IDE: variants seen among roughly 807,000 people sequenced by gnomAD.
IDE encodes insulin degrading enzyme, also known as insulin-degrading enzyme.
Under a neutral mutation model 133.2 loss-of-function variants are expected in IDE, and 58 were observed. The ratio of observed to expected loss-of-function variants is 0.44; its 90% CI spans 0.35 to 0.54. IDE has a LOEUF of 0.54. Among genes scored for constraint, IDE ranks in the 20% least tolerant of loss-of-function variants. The pLI, the probability that IDE is intolerant of heterozygous loss-of-function variation, is 0.00. For synonymous variants in IDE, 396 were observed against 421.3 expected, an observed-to-expected ratio of 0.94 and a Z score of 0.73; for missense variants, 981 against 1,234.0, an observed-to-expected ratio of 0.79 and a Z score of 3.07.
Position 92,564,671 on chromosome 10 carries a change from C to CAAAAAAAAAAA in IDE, c.98+9240_98+9250dup, listed in dbSNP as rs532861372. 3.2e-4 allele frequency among the ~76,000 whole-genome samples: 10 copies of CAAAAAAAAAAA among 31,586 alleles called. 1 individual carries two copies. Among genetic ancestry groups the CAAAAAAAAAAA allele is most frequent in the Non-Finnish European group, 4.3e-4 (7 of 16,300 alleles). The allele number at this position is 31,586 out of a possible 152,430, so 20.7% of individuals were successfully genotyped here. A position where few individuals can be genotyped will look rare whatever the true frequency, so the allele number is the denominator to read the frequency against. On this transcript the variant is annotated intron_variant, in intron 1 of 24. Coordinates refer to ENST00000265986, the MANE Select transcript of IDE (RefSeq NM_004969.4). ...CCTGGGCGATAAAGCGAGACTGTCT[C>CAAAAAAAAAAA]AAAAAAAAAAAAAAAAAAAAAAAAA... is the stretch of plus-strand genomic sequence containing the variant.
intron 1 of IDE, among the ~76,000 whole-genome samples, chr10:92,565,993 T>G (rs1280886499): frequency 7.1e-6 from 1 of 141,422 alleles, no homozygotes; most frequent in East Asian, 2.0e-4. Context: ...TCAATATCCT[T>G]ATCTGAAAGA....
chr10:92,456,342 C>T lies in IDE; in HGVS notation c.2896+17G>A. 1 of 1,596,788 alleles carries T rather than the reference C, an allele frequency of 6.3e-7. No individual in the cohort carries two copies. The highest frequency in any genetic ancestry group is 8.6e-7 in the Non-Finnish European group (1 of 1,164,196). ...ATGGCTCAACATGAGCCTAAAAAGG[C>T]AACATTTGATACTTACAAGAATCCA... On this transcript the variant is annotated intron_variant, in intron 23 of 24. Coordinates refer to ENST00000265986, the MANE Select transcript of IDE (RefSeq NM_004969.4).
At chr10:92,504,661 T>C (rs1848198727) in intron 11 of IDE, 133 bp downstream of exon 11, 3 of 597,360 alleles carry the variant, frequency 5.0e-6, no homozygotes, top group Non-Finnish European at 8.9e-6. Flanking sequence ...TGTTGCTTCA[T>C]TATACTATTC....
intron 2 of IDE, among the ~76,000 whole-genome samples, chr10:92,535,868 T>C (rs1040655989): frequency 6.6e-6 from 1 of 151,972 alleles, no homozygotes; most frequent in African/African-American, 2.4e-5. Context: ...AAACCTCGTC[T>C]CTAATAAAAA....
intron 3 of IDE, among the ~76,000 whole-genome samples, chr10:92,533,897 C>T (rs1315481640): frequency 6.6e-6 from 1 of 152,082 alleles, no homozygotes; most frequent in Non-Finnish European, 1.5e-5. Flanking sequence ...GTGGCACATG[C>T]CTGTAATCCC....
chr10:92,467,977 T>G (rs1365473676), intron 19 of IDE, among the ~76,000 whole-genome samples: 1 of 152,242 alleles, frequency 6.6e-6, no homozygotes, highest in Non-Finnish European at 1.5e-5. Flanking sequence ...AAGATGGAGA[T>G]GCACTTCAAT....
chr10:92,458,482 C>T (rs892261033), intron 22 of IDE, among the ~76,000 whole-genome samples: 1 of 143,880 alleles, frequency 7.0e-6, no homozygotes, highest in African/African-American at 2.6e-5. Context: ...GTTATAAATA[C>T]TCTCTCTGTT....
Position 92,539,493 on chromosome 10 carries a change from C to T in IDE, c.99-1943G>A, listed in dbSNP as rs184070951. Among the ~76,000 whole-genome samples the T allele has an allele frequency of 5.9e-5, 9 of 152,248 alleles. No individual in the cohort carries two copies. The East Asian group carries it at 1.2e-3, about 20-fold the overall frequency. ...ATTAACAATTATTTTCAGCCAGGCA[C>T]GGTGGCTCGCGCCTGTAATCTCAGC... On this transcript the variant is annotated intron_variant, in intron 1 of 24. Transcript: ENST00000265986.
At position 92,518,789 on chromosome 10, in the gene IDE, C is replaced by T. The variant is rs114385493; in HGVS notation, c.662-3747G>A. 5.2e-3 allele frequency among the ~76,000 whole-genome samples: 794 copies of T among 152,220 alleles called. 9 individuals carry two copies. The highest frequency in any genetic ancestry group is 0.019 in the African/African-American group (773 of 41,528). On this transcript the variant is annotated intron_variant, in intron 4 of 24. Coordinates refer to ENST00000265986, the MANE Select transcript of IDE (RefSeq NM_004969.4). ...ATGTTGAATGAAAAAATACAAGCGGCAGAGATTACACACAATAAAATACTA... is the reference window on the plus strand; with the variant it reads ...ATGTTGAATGAAAAAATACAAGCGGTAGAGATTACACACAATAAAATACTA...
chr10:92,506,867 C>G (rs1848318695), intron 9 of IDE, among the ~76,000 whole-genome samples: 1 of 152,022 alleles, frequency 6.6e-6, no homozygotes, highest in African/African-American at 2.4e-5. Flanking sequence ...CTTGTGAGAT[C>G]CAACAATTCC....
intron 1 of IDE, among the ~76,000 whole-genome samples, chr10:92,562,903 G>T (rs1218206618): frequency 6.6e-6 from 1 of 152,230 alleles, no homozygotes; most frequent in Non-Finnish European, 1.5e-5. Flanking sequence ...ACTTTGGGAG[G>T]CCAAGGCGGG....
At chr10:92,570,287 TAA>T (rs896060732) in intron 1 of IDE, among the ~76,000 whole-genome samples, 4 of 152,178 alleles carry the variant, frequency 2.6e-5, no homozygotes, top group African/African-American at 9.7e-5. Context: ...AGGTGTCTAG[TAA>T]AAGGTCAGAG....
At chr10:92,490,959 C>T (rs982187120) in intron 11 of IDE, among the ~76,000 whole-genome samples, 5 of 152,204 alleles carry the variant, frequency 3.3e-5, no homozygotes, top group Admixed American at 1.3e-4. Flanking sequence ...AAAGAAGTTG[C>T]GGATGTAGTG....
At chr10:92,573,226 T>C (rs1190419605) in intron 1 of IDE, 1 of 969,764 alleles carries the variant, frequency 1.0e-6, no homozygotes, top group Admixed American at 6.2e-5. Context: ...ACCTGTGTCC[T>C]AATCCTGGTT....
intron 4 of IDE, among the ~76,000 whole-genome samples, chr10:92,517,337 C>T (rs975862085): frequency 6.6e-6 from 1 of 152,118 alleles, no homozygotes; most frequent in Non-Finnish European, 1.5e-5. Context: ...ACTCATTAAC[C>T]TTTTCCTAGT....
intron 1 of IDE, among the ~76,000 whole-genome samples, chr10:92,565,931 G>A (rs931301707): frequency 1.3e-5 from 2 of 151,528 alleles, no homozygotes; most frequent in Admixed American, 1.3e-4. Context: ...TTCATATCTC[G>A]CTAAGCCACT....
intron 5 of IDE, among the ~76,000 whole-genome samples, chr10:92,511,102 C>T (rs200828605): frequency 0.027 from 2,802 of 105,254 alleles, 166 homozygotes; most frequent in African/African-American, 0.098. Flanking sequence ...AAAAAAAAAA[C>T]TTTTTTTTTT....
chr10:92,471,157 G>A (rs1007018899), intron 17 of IDE, among the ~76,000 whole-genome samples: 9 of 152,004 alleles, frequency 5.9e-5, no homozygotes, highest in African/African-American at 2.2e-4. Context: ...TATTACTATG[G>A]AGTTCTAATG....
intron 11 of IDE, among the ~76,000 whole-genome samples, chr10:92,503,056 C>A (rs1188051411): frequency 6.8e-6 from 1 of 147,592 alleles, no homozygotes; most frequent in Non-Finnish European, 1.5e-5. Flanking sequence ...TAAATTTTGA[C>A]CCTTAATATA....
Sources: allele counts gnomAD v4.1 joint callset (sites outside exome capture counted in the v4.1 genomes callset), GRCh38; gene constraint gnomAD v4.1.1; transcripts MANE v1.5; gene names NCBI Gene and HGNC (gene_info 2026-07-23, HGNC 2026-07-21).